Variants in FBXO11 observed in about 807,000 individuals in gnomAD.
FBXO11 encodes F-box only protein 11.
Under a neutral mutation model 117.0 loss-of-function variants are expected in FBXO11, and 13 were observed. The observed-to-expected ratio is 0.11, with a 90% confidence interval of 0.07 to 0.18. The LOEUF is 0.18. Among genes scored for constraint, FBXO11 ranks in the 10% least tolerant of loss-of-function variants. The pLI, the probability that FBXO11 is intolerant of heterozygous loss-of-function variation, is 1.00. For missense variants in FBXO11, 767 were observed against 1,164.4 expected, an observed-to-expected ratio of 0.66 and a Z score of 4.97; for synonymous variants, 490 against 380.5, an observed-to-expected ratio of 1.29 and a Z score of -3.35.
At position 47,862,061 on chromosome 2, in the gene FBXO11, C is replaced by T. The variant is rs1023445056; in HGVS notation, c.233-22292G>A. ...CCGAGTGGCTGGGATTACGGGCGCACGCTACCATGCCTGGCTAATTTTTTT... is the reference window on the plus strand; with the variant it reads ...CCGAGTGGCTGGGATTACGGGCGCATGCTACCATGCCTGGCTAATTTTTTT... On this transcript the variant is annotated intron_variant, in intron 1 of 22. Coordinates refer to ENST00000403359, the MANE Select transcript of FBXO11 (RefSeq NM_001190274.2). Among the ~76,000 whole-genome samples, 37 of 152,098 alleles carry T rather than the reference C, an allele frequency of 2.4e-4. 1 individual carries two copies. The highest frequency in any genetic ancestry group is 8.0e-4 in the African/African-American group (33 of 41,486).
chr2:47,847,023 C>T (rs1673472222), intron 1 of FBXO11, among the ~76,000 whole-genome samples: 1 of 152,090 alleles, frequency 6.6e-6, no homozygotes, highest in African/African-American at 2.4e-5. Context: ...GGAGGCACTT[C>T]ATCTGAGGCC....
At chr2:47,828,437 G>A (rs896443984) in intron 11 of FBXO11, among the ~76,000 whole-genome samples, 3 of 152,106 alleles carry the variant, frequency 2.0e-5, no homozygotes, top group African/African-American at 7.2e-5. Context: ...GTAAAACCCT[G>A]TCTGTACTAA....
At chr2:47,842,125 C>T (rs1416021669) in intron 1 of FBXO11, among the ~76,000 whole-genome samples, 1 of 151,792 alleles carries the variant, frequency 6.6e-6, no homozygotes, top group Non-Finnish European at 1.5e-5. Context: ...AAGCCATTCT[C>T]CGGCCTCAGC....
At chr2:47,834,141 G>A (rs1242481650) in intron 7 of FBXO11, among the ~76,000 whole-genome samples, 2 of 152,188 alleles carry the variant, frequency 1.3e-5, no homozygotes, top group Non-Finnish European at 2.9e-5. Flanking sequence ...CTTGAGGCCA[G>A]GAGTTTGAGA....
At chr2:47,829,647 G>C (rs951148966) in intron 11 of FBXO11, among the ~76,000 whole-genome samples, 9 of 152,000 alleles carry the variant, frequency 5.9e-5, no homozygotes, top group African/African-American at 2.2e-4. Context: ...GAGAAAATTT[G>C]ATGATATTAA....
At chr2:47,866,227 G>C (rs1293005079) in intron 1 of FBXO11, among the ~76,000 whole-genome samples, 1 of 131,596 alleles carries the variant, frequency 7.6e-6, no homozygotes, top group Non-Finnish European at 1.6e-5. Flanking sequence ...GCCTGGACAA[G>C]TCAGACCCCT....
intron 1 of FBXO11, among the ~76,000 whole-genome samples, chr2:47,902,079 G>A (rs1179022571): frequency 6.6e-6 from 1 of 152,200 alleles, no homozygotes; most frequent in Admixed American, 6.5e-5. Context: ...GGGATTACAG[G>A]CGTGAGCCGC....
intron 11 of FBXO11, among the ~76,000 whole-genome samples, chr2:47,828,140 C>T (rs1376082384): frequency 2.6e-5 from 4 of 152,154 alleles, no homozygotes; most frequent in Non-Finnish European, 1.5e-5. Flanking sequence ...CCACCATGCC[C>T]AGCTAATTTT....
At chr2:47,841,885 C>A (rs1051084956) in intron 1 of FBXO11, among the ~76,000 whole-genome samples, 2 of 151,932 alleles carry the variant, frequency 1.3e-5, no homozygotes, top group Non-Finnish European at 2.9e-5. Flanking sequence ...GTGATCCCCC[C>A]ACCTCGGCCT....
intron 16 of FBXO11, among the ~76,000 whole-genome samples, chr2:47,817,214 C>T (rs1021387859): frequency 7.9e-5 from 12 of 152,220 alleles, no homozygotes; most frequent in African/African-American, 2.9e-4. Flanking sequence ...TCAACCTCTG[C>T]TAGCTTCAAA....
intron 1 of FBXO11, among the ~76,000 whole-genome samples, chr2:47,869,356 T>C (rs1675440435): frequency 6.6e-6 from 1 of 152,206 alleles, no homozygotes; most frequent in African/African-American, 2.4e-5. Flanking sequence ...TTGAATCAAC[T>C]GGCAAAGAAG....
chr2:47,813,117 G>C (rs1371278491), intron 18 of FBXO11, 117 bp downstream of exon 18: 1 of 1,076,570 alleles, frequency 9.3e-7, no homozygotes, highest in Admixed American at 1.7e-5. Flanking sequence ...ACTTGATAAG[G>C]AAAAAGACTT....
In FBXO11 at chr2:47,834,575, A is replaced by C; in HGVS notation, c.934+4T>G. ...AATTTTAATGACAATGCATTTCAAA[A>C]TACCTGCACCAATCATGGTGATTGG... On this transcript the variant is annotated splice_donor_region_variant and intron_variant, in intron 7 of 22. Transcript: ENST00000403359. The C allele has an allele frequency of 6.5e-7, 1 of 1,539,558 alleles. No homozygotes were observed. Among genetic ancestry groups the C allele is most frequent in the Non-Finnish European group, 8.7e-7 (1 of 1,146,634 alleles).
At chr2:47,901,534 T>C (rs74877704) in intron 1 of FBXO11, among the ~76,000 whole-genome samples, 1,608 of 152,268 alleles carry the variant, frequency 0.011, 29 homozygotes, top group African/African-American at 0.037. Context: ...GAGGCTGATG[T>C]ACGAAGGGGA....
intron 1 of FBXO11, among the ~76,000 whole-genome samples, chr2:47,857,799 A>T (rs1314524819): frequency 6.6e-6 from 1 of 152,226 alleles, no homozygotes; most frequent in Non-Finnish European, 1.5e-5. Context: ...ACGCAGGACT[A>T]CAGAAATATT....
chr2:47,850,854 T>A (rs1330441825), intron 1 of FBXO11, among the ~76,000 whole-genome samples: 1 of 152,178 alleles, frequency 6.6e-6, no homozygotes, highest in Admixed American at 6.6e-5. Flanking sequence ...AAATAGTCTC[T>A]CCCCAGAATG....
intron 11 of FBXO11, among the ~76,000 whole-genome samples, chr2:47,831,030 C>G (rs1672142033): frequency 6.6e-6 from 1 of 151,932 alleles, no homozygotes; most frequent in Non-Finnish European, 1.5e-5. Flanking sequence ...AACTCCTGAG[C>G]CCAAGCGATC....
At chr2:47,881,276 G>T (rs1275614846) in intron 1 of FBXO11, among the ~76,000 whole-genome samples, 1 of 151,948 alleles carries the variant, frequency 6.6e-6, no homozygotes, top group Non-Finnish European at 1.5e-5. Flanking sequence ...ACAAAGAAAG[G>T]TATGTCTGGT....
In FBXO11 at chr2:47,892,763, G is replaced by C. The variant is rs185564855; in HGVS notation, c.232+12726C>G. ...TAGATACATGGCCAAAACAATGAAT[G>C]TAACAGCCAAAACAATGAATATAAT... On this transcript the variant is annotated intron_variant, in intron 1 of 22. Coordinates refer to ENST00000403359, the MANE Select transcript of FBXO11 (RefSeq NM_001190274.2). Among the ~76,000 whole-genome samples, 18 of 152,206 alleles carry C rather than the reference G, an allele frequency of 1.2e-4. 1 individual carries two copies. In the South Asian group the frequency reaches 3.7e-3, roughly 31 times the overall value.
Sources: allele counts gnomAD v4.1 joint callset (sites outside exome capture counted in the v4.1 genomes callset), GRCh38; gene constraint gnomAD v4.1.1; transcripts MANE v1.5; gene names NCBI Gene and HGNC (gene_info 2026-07-23, HGNC 2026-07-21).